The following EXOC3L4 variants were observed in gnomAD, a reference collection of about 807,000 sequenced individuals.
EXOC3L4 encodes the protein exocyst complex component 3-like protein 4.
In EXOC3L4, 62 loss-of-function variants were observed where a neutral mutation model predicts 69.7. The observed-to-expected ratio is 0.89, with a 90% CI of 0.72 to 1.10. The LOEUF (loss-of-function observed/expected upper bound fraction) is 1.10, where lower values mean the gene tolerates loss of function less well. Ranked by LOEUF, EXOC3L4 falls within the 50% of genes least tolerant of loss-of-function variation. The probability of loss-of-function intolerance (pLI) is 0.00; values close to 1 mark genes in which losing one functional copy is unlikely to be tolerated. For synonymous variants in EXOC3L4, 502 were observed against 464.2 expected (o/e 1.08, Z -1.05); for missense variants, 1,087 against 1,034.8 (o/e 1.05, Z -0.69).
At chr14:103,106,757 C>T in intron 7 of EXOC3L4, 28 bp from the exon 8 acceptor site, 1 of 1,467,730 alleles carries the variant, frequency 6.8e-7, no homozygotes, top group Admixed American at 2.2e-5. Flanking sequence ...CCTTGCCCAC[C>T]TCATCGCTGG....
chr14:103,098,543 G>A (rs891811023), intron 1 of EXOC3L4: 6 of 152,270 alleles, frequency 3.9e-5, no homozygotes, highest in Admixed American at 3.9e-4. Context: ...TGCTTACTAA[G>A]TGTGAGTTCT....
rs749512841 is a variant in EXOC3L4, at chr14:103,102,746, G to T, written c.1023G>T (p.Leu341=). Residue 341 remains leucine (L), a synonymous_variant, in exon 3 of 12, where the codon CTG becomes CTT. Transcript: ENST00000688303. ...ARGCEQLYIL[L]DWAANVYGSP... ...GCTGCGAGCAGCTCTATATCCTGCT[G>T]GACTGGGCCGCCAACGTCTACGGCA... 2.2e-6 allele frequency: 3 copies of T among 1,381,946 alleles called. No individual in the cohort carries two copies. The highest frequency in any genetic ancestry group is 2.8e-6 in the Non-Finnish European group (3 of 1,069,574). The allele number at this position is 1,381,946 out of a possible 1,614,324, so 85.6% of individuals were successfully genotyped here. A position where few individuals can be genotyped will look rare whatever the true frequency, so the allele number is the denominator to read the frequency against.
At chr14:103,103,896 G>T (rs1156664688) in intron 3 of EXOC3L4, 45 bp from the exon 4 acceptor site, 4 of 1,377,090 alleles carry the variant, frequency 2.9e-6, no homozygotes, top group Non-Finnish European at 4.0e-6. Context: ...AGCGGCTGCC[G>T]CATCAGAGCC....
chr14:103,102,218 G>A lies in EXOC3L4; in HGVS notation c.495G>A (p.Ser165=), dbSNP rs1319948309. The stretch of plus-strand genomic sequence containing the variant: ...CGCTGCTGGTGGCCGAGAAGGCCTC[G>A]CGCACCTTTGAGCAGGACCCTACGG... The part of the protein sequence containing the change: ...LETLLVAEKA[S]RTFEQDPTAF... Residue 165 remains serine, a synonymous_variant, in exon 3 of 12, where the codon TCG becomes TCA. Coordinates refer to ENST00000688303, the MANE Select transcript of EXOC3L4 (RefSeq NM_001077594.2). 3.1e-6 allele frequency: 5 copies of A among 1,591,818 alleles called. 1 individual carries two copies. In the South Asian group the frequency reaches 4.6e-5, roughly 14 times the overall value.
chr14:103,098,950 C>T (rs1890023461), intron 1 of EXOC3L4: 1 of 152,242 alleles, frequency 6.6e-6, no homozygotes, highest in Middle Eastern at 3.2e-3. Flanking sequence ...CCAGCAGGCA[C>T]CTTGCTGGAG....
At chr14:103,107,006 C>A in intron 8 of EXOC3L4, 107 bp downstream of exon 8, 1 of 973,490 alleles carries the variant, frequency 1.0e-6, no homozygotes, top group Non-Finnish European at 1.5e-6. Flanking sequence ...CCAGGGTGAG[C>A]TCATGGGTGT....
Position 103,104,827 on chromosome 14 carries a change from C to G in EXOC3L4, c.1374C>G (p.Leu458=). Residue 458 remains leucine, a synonymous_variant, in exon 6 of 12, where the codon CTC becomes CTG. Transcript: ENST00000688303. ...GAATCTGCACGCGGGCGCTCGGCCTCTTCGTGCCCAGGTGCGGACGCATCC... is the reference window on the plus strand; with the variant it reads ...GAATCTGCACGCGGGCGCTCGGCCTGTTCGTGCCCAGGTGCGGACGCATCC... ...TLRICTRALG[L]FVPRFEKAFL... 6.6e-7 allele frequency: 1 copy of G among 1,506,744 alleles called. No individual in the cohort carries two copies. The highest frequency in any genetic ancestry group is 8.9e-7 in the Non-Finnish European group (1 of 1,120,668). 93.3% of individuals were successfully genotyped at this position (1,506,744 alleles called of 1,614,324 possible). A position where few individuals can be genotyped will look rare whatever the true frequency, so the allele number is the denominator to read the frequency against.
chr14:103,105,298 C>G (rs1405107370), intron 7 of EXOC3L4, among the ~76,000 whole-genome samples: 1 of 146,906 alleles, frequency 6.8e-6, no homozygotes, highest in African/African-American at 2.5e-5. Context: ...GGGTGTGTGC[C>G]TGTGTGTGCA....
intron 1 of EXOC3L4, chr14:103,098,692 G>C (rs1235877157): frequency 6.6e-6 from 1 of 152,378 alleles, no homozygotes; most frequent in African/African-American, 2.4e-5. Context: ...CCCATGCCAA[G>C]CATGAAGGGG....
In EXOC3L4 at chr14:103,097,253, G is replaced by A. The variant is rs2139459741; in HGVS notation, c.-17+2413G>A. ...TGCCCCTGCTGCTGGCCCCACAAAG[G>A]GTGTATTAGCCTGACCTGGGGAGAG... is the stretch of plus-strand genomic sequence containing the variant. On this transcript the variant is annotated intron_variant, in intron 1 of 11. Transcript: ENST00000688303. This position sits in a 1 kb window ranked among gnomAD's most constrained non-coding sequence, Gnocchi z 4.9. Among the ~76,000 whole-genome samples, 1 of 152,260 alleles carries A rather than the reference G, an allele frequency of 6.6e-6. No homozygotes were observed. Among genetic ancestry groups the A allele is most frequent in the East Asian group, 1.9e-4 (1 of 5,180 alleles).
chr14:103,102,290 G>T lies in EXOC3L4; in HGVS notation c.567G>T (p.Leu189=), dbSNP rs1408559944. The T allele has an allele frequency of 1.3e-6, 2 of 1,577,008 alleles. No individual in the cohort carries two copies. ...AMDVCLLYDG[L]AAEIGAIVRE... is the part of the protein sequence containing the mutation. The stretch of plus-strand genomic sequence containing the variant: ...ACGTGTGCCTGCTTTACGACGGGCT[G>T]GCAGCCGAGATCGGCGCCATCGTGC... Residue 189 remains leucine, a synonymous_variant, in exon 3 of 12, where the codon CTG becomes CTT. Coordinates refer to ENST00000688303, the MANE Select transcript of EXOC3L4 (RefSeq NM_001077594.2).
At chr14:103,105,857 C>T (rs748723425) in intron 7 of EXOC3L4, among the ~76,000 whole-genome samples, 4 of 152,216 alleles carry the variant, frequency 2.6e-5, no homozygotes, top group African/African-American at 4.8e-5. Context: ...TTTAGTGTCC[C>T]GAAGTACTTC....
rs1234769408 is a variant in EXOC3L4, at chr14:103,110,372, G to C, written c.*149G>C. The C allele has an allele frequency of 1.0e-6, 1 of 964,704 alleles. No homozygotes were observed. Among genetic ancestry groups the C allele is most frequent in the African/African-American group, 1.6e-5 (1 of 61,970 alleles). The allele number at this position is 964,704 out of a possible 1,614,324, so 59.8% of individuals were successfully genotyped here. ...TTGTCGTCAGCAGCCAAGCGCAGCT[G>C]TCAGGCCAGAAGGAGCAGCCGTGCA... On this transcript the variant is annotated 3_prime_UTR_variant, in exon 12 of 12. Coordinates refer to ENST00000688303, the MANE Select transcript of EXOC3L4 (RefSeq NM_001077594.2).
chr14:103,099,699 A>G (rs1890067313), intron 1 of EXOC3L4, among the ~76,000 whole-genome samples: 1 of 151,892 alleles, frequency 6.6e-6, no homozygotes. Context: ...CAAAGTAGTC[A>G]GGCCTTTTGG....
intron 5 of EXOC3L4, 76 bp downstream of exon 5, chr14:103,104,465 A>G (rs929075818): frequency 4.1e-5 from 58 of 1,425,584 alleles, no homozygotes; most frequent in Non-Finnish European, 5.0e-5. Flanking sequence ...TCCAGAACGA[A>G]TTCCTATCCA....
At position 103,110,263 on chromosome 14, in the gene EXOC3L4, G is replaced by A. The variant is rs187576228; in HGVS notation, c.*40G>A. The A allele has an allele frequency of 8.0e-5, 120 of 1,499,976 alleles. No homozygotes were observed. In the East Asian group the frequency reaches 2.7e-3, roughly 34 times the overall value. 92.9% of individuals were successfully genotyped at this position (1,499,976 alleles called of 1,614,324 possible). The stretch of plus-strand genomic sequence containing the variant: ...AGGGGGGGCCGGCCGCTGGCAGGGA[G>A]CTGTGGTCAGTGGGGGTCAGCCAGG... On this transcript the variant is annotated 3_prime_UTR_variant, in exon 12 of 12. Transcript: ENST00000688303.
In EXOC3L4 at chr14:103,100,083, A is replaced by G. The variant is rs554954105; in HGVS notation, c.-16-121A>G. The stretch of plus-strand genomic sequence containing the variant: ...TGGCCTGGTGATGCTTCCTTTTGAC[A>G]GCCTGAGGGCTGCCTCCTCTGGAGA... On this transcript the variant is annotated intron_variant, in intron 1 of 11. Transcript: ENST00000688303. 1.2e-5 allele frequency: 13 copies of G among 1,111,688 alleles called. No homozygotes were observed. In the East Asian group the frequency reaches 3.4e-4, roughly 29 times the overall value. The allele number at this position is 1,111,688 out of a possible 1,614,324, so 68.9% of individuals were successfully genotyped here.
At chr14:103,104,491 T>G in intron 5 of EXOC3L4, 102 bp downstream of exon 5, 1 of 1,391,864 alleles carries the variant, frequency 7.2e-7, no homozygotes, top group Non-Finnish European at 9.3e-7. Context: ...AACCAACCCT[T>G]CCGTTAGATG....
At chr14:103,107,887 C>T in intron 10 of EXOC3L4, 104 bp downstream of exon 10, 1 of 1,419,726 alleles carries the variant, frequency 7.0e-7, no homozygotes, top group South Asian at 1.5e-5. Flanking sequence ...AGTGGTTCTC[C>T]CCACTCTGGA....
Sources: gnomAD v4.1 joint callset for allele counts (sites outside exome capture counted in the v4.1 genomes callset) on GRCh38, gnomAD v4.1.1 for gene constraint, Gnocchi (gnomAD v3.1) non-coding constraint, MANE v1.5 for transcripts, NCBI Gene and HGNC (gene_info 2026-07-23, HGNC 2026-07-21) for gene names.